ASIC2: variants seen among roughly 807,000 people sequenced by gnomAD.
The protein encoded by ASIC2 is acid sensing ion channel subunit 2.
In ASIC2, 25 loss-of-function variants were observed where a neutral mutation model predicts 57.3. The observed-to-expected ratio is 0.44, with a 90% CI of 0.32 to 0.61. ASIC2 has a LOEUF of 0.61. Ranked by LOEUF, ASIC2 falls within the 20% of genes least tolerant of loss-of-function variation. The probability of loss-of-function intolerance (pLI) is 0.06; values close to 1 mark genes in which losing one functional copy is unlikely to be tolerated. For synonymous variants in ASIC2, 319 were observed against 307.5 expected, an observed-to-expected ratio of 1.04 and a Z score of -0.39; for missense variants, 641 against 738.1, an observed-to-expected ratio of 0.87 and a Z score of 1.52.
At chr17:33,491,692 A>C (rs936886958) in intron 1 of ASIC2, among the ~76,000 whole-genome samples, 1 of 152,164 alleles carries the variant, frequency 6.6e-6, no homozygotes, top group African/African-American at 2.4e-5. Context: ...GAACGATCTC[A>C]TCCCTCTTAG....
intron 1 of ASIC2, among the ~76,000 whole-genome samples, chr17:34,043,429 G>A (rs1908214948): frequency 1.3e-5 from 2 of 152,308 alleles, no homozygotes; most frequent in African/African-American, 4.8e-5. Context: ...GAGCAAAAGA[G>A]GTCTAAGGCT....
At chr17:33,810,410 T>C (rs1912385224) in intron 1 of ASIC2, among the ~76,000 whole-genome samples, 2 of 152,154 alleles carry the variant, frequency 1.3e-5, no homozygotes, top group Admixed American at 6.5e-5. Context: ...TCAGAATGTG[T>C]GGGGGTGGGC....
intron 3 of ASIC2, among the ~76,000 whole-genome samples, chr17:33,079,321 A>G (rs1312572983): frequency 6.6e-6 from 1 of 152,150 alleles, no homozygotes; most frequent in Non-Finnish European, 1.5e-5. Flanking sequence ...TTTGCACTGA[A>G]TCTTGGAGGA....
chr17:33,644,707 A>T (rs550402953), intron 1 of ASIC2, among the ~76,000 whole-genome samples: 228 of 152,358 alleles, frequency 1.5e-3, no homozygotes, highest in African/African-American at 5.3e-3. Context: ...AGCTTAATTT[A>T]AAAAATGTTA....
chr17:33,796,085 G>A (rs996178086), intron 1 of ASIC2, among the ~76,000 whole-genome samples: 1 of 152,204 alleles, frequency 6.6e-6, no homozygotes, highest in African/African-American at 2.4e-5. Flanking sequence ...TAGGCCAAGT[G>A]CCACAATCAC....
chr17:33,028,477 A>T (rs573524667), intron 3 of ASIC2, 85 bp from the exon 4 acceptor site: 3 of 1,517,110 alleles, frequency 2.0e-6, no homozygotes, highest in East Asian at 4.6e-5. Flanking sequence ...ACAAACAATT[A>T]TTGAGCATTT....
At chr17:33,102,701 G>A (rs116629510) in intron 2 of ASIC2, among the ~76,000 whole-genome samples, 2,456 of 151,684 alleles carry the variant, frequency 0.016, 73 homozygotes, top group African/African-American at 0.057. Flanking sequence ...TAACCTTTTC[G>A]GGAGATGTTC....
intron 1 of ASIC2, among the ~76,000 whole-genome samples, chr17:33,185,911 T>C (rs926977704): frequency 2.6e-5 from 4 of 152,246 alleles, no homozygotes; most frequent in African/African-American, 9.6e-5. Flanking sequence ...AAATTCACCA[T>C]AGGCAAGGGC....
chr17:33,549,332 A>G (rs1915676176), intron 1 of ASIC2, among the ~76,000 whole-genome samples: 3 of 152,150 alleles, frequency 2.0e-5, no homozygotes, highest in African/African-American at 4.8e-5. Context: ...ACTGGCCCTC[A>G]GCAAAGCTTT....
At chr17:33,032,638 A>C (rs999520277) in intron 3 of ASIC2, among the ~76,000 whole-genome samples, 2 of 151,890 alleles carry the variant, frequency 1.3e-5, no homozygotes, top group Non-Finnish European at 2.9e-5. Flanking sequence ...TAGTAGAGCC[A>C]GACTTTCACC....
intron 1 of ASIC2, among the ~76,000 whole-genome samples, chr17:34,044,117 C>CAT (rs199859494): frequency 0.02 from 1,991 of 97,474 alleles, 41 homozygotes; most frequent in African/African-American, 0.074. Flanking sequence ...CACACACACA[C>CAT]ACACACACGC....
At chr17:33,898,322 G>A (rs12952841) in intron 1 of ASIC2, among the ~76,000 whole-genome samples, 7,622 of 131,012 alleles carry the variant, frequency 0.058, 419 homozygotes, top group East Asian at 0.32. Context: ...TGCAACCTCC[G>A]CCTCCCAGAT....
At chr17:33,957,185 CT>C (rs1198425892) in intron 1 of ASIC2, among the ~76,000 whole-genome samples, 1 of 152,210 alleles carries the variant, frequency 6.6e-6, no homozygotes, top group Non-Finnish European at 1.5e-5. Context: ...ATCCAAAGCT[CT>C]GAATTCGACT....
At position 33,589,352 on chromosome 17, in the gene ASIC2, C is replaced by T. The variant is rs79490692; in HGVS notation, c.556-477285G>A. Among the ~76,000 whole-genome samples, 21 of 152,304 alleles carry T rather than the reference C, an allele frequency of 1.4e-4. No homozygotes were observed. The East Asian group carries it at 4.0e-3, about 29-fold the overall frequency. ...AATTATTTCTTATTTATTTATTTTA[C>T]TGTGGTAAAATAAACATAACAAAGT... On this transcript the variant is annotated intron_variant, in intron 1 of 9. Coordinates refer to the ASIC2 transcript ENST00000359872.
chr17:33,028,215 C>T (rs551319788), intron 4 of ASIC2, 27 bp downstream of exon 4: 1 of 1,612,462 alleles, frequency 6.2e-7, no homozygotes, highest in East Asian at 2.2e-5. Flanking sequence ...TCCCAGGGCC[C>T]TGTGGCCACC....
rs1458829188 is a variant in ASIC2, at chr17:33,045,580, T to C, written c.988-17188A>G. Among the ~76,000 whole-genome samples, 3 of 152,114 alleles carry C rather than the reference T, an allele frequency of 2.0e-5. No individual in the cohort carries two copies. The South Asian group carries it at 6.2e-4, about 32-fold the overall frequency. On this transcript the variant is annotated intron_variant, in intron 3 of 9. Coordinates refer to ENST00000225823, the MANE Select transcript of ASIC2 (RefSeq NM_183377.2). ...ACTTTACCTCTCAGAGCTCAGCTTT[T>C]CTTCAGCCCCTCCAGCCACAGGCTA...
chr17:33,545,384 A>C (rs1915546191), intron 1 of ASIC2, among the ~76,000 whole-genome samples: 1 of 152,192 alleles, frequency 6.6e-6, no homozygotes, highest in Non-Finnish European at 1.5e-5. Context: ...CTTCATTTGT[A>C]GGAGACAGTC....
At chr17:33,634,711 T>TTTCTTTC (rs1491535850) in intron 1 of ASIC2, 2 of 35,164 alleles carry the variant, frequency 5.7e-5, no homozygotes, top group East Asian at 3.7e-3. Flanking sequence ...TCTTTCTTTC[T>TTTCTTTC]TTTTTTTTTT....
chr17:33,478,926 G>A (rs1913314780), intron 1 of ASIC2, among the ~76,000 whole-genome samples: 1 of 152,180 alleles, frequency 6.6e-6, no homozygotes, highest in Non-Finnish European at 1.5e-5. Context: ...TCATGTTCAG[G>A]TTGCATGTCA....
Sources: gnomAD v4.1 joint callset for allele counts (sites outside exome capture counted in the v4.1 genomes callset) on GRCh38, gnomAD v4.1.1 for gene constraint, MANE v1.5 for transcripts, NCBI Gene and HGNC (gene_info 2026-07-23, HGNC 2026-07-21) for gene names.